HSF5: variants seen among roughly 807,000 people sequenced by gnomAD.
HSF5 encodes the protein heat shock factor protein 5.
HSF5 carries 5 observed loss-of-function variants against 50.8 expected under a neutral mutation model. The ratio of observed to expected loss-of-function variants is 0.10; its 90% CI spans 0.05 to 0.21. The LOEUF (loss-of-function observed/expected upper bound fraction) is 0.21. Among genes scored for constraint, HSF5 ranks in the 10% least tolerant of loss-of-function variants. The pLI is 1.00. For missense variants in HSF5, 564 were observed against 762.6 expected (o/e 0.74, Z 3.07); for synonymous variants, 307 against 307.4 (o/e 1.00, Z 0.02).
At chr17:58,431,187 G>A (rs1001923092) in intron 5 of HSF5, among the ~76,000 whole-genome samples, 20 of 152,148 alleles carry the variant, frequency 1.3e-4, no homozygotes, top group Non-Finnish European at 4.4e-5. Context: ...CCAGACACGT[G>A]GAACTGTAAG....
Position 58,487,882 on chromosome 17 carries a change from G to A in HSF5, c.393C>T (p.Thr131=), listed in dbSNP as rs1433835493. The A allele has an allele frequency of 1.2e-6, 2 of 1,608,040 alleles. No individual in the cohort carries two copies. The highest frequency in any genetic ancestry group is 1.7e-6 in the Non-Finnish European group (2 of 1,178,692). Residue 131 remains threonine (T), a synonymous_variant, in exon 1 of 6, where the codon ACC becomes ACT. Transcript: ENST00000323777. The part of the protein sequence containing the change: ...PQLLVHLKRL[T]SANKAKLAAG... Reference sequence around the variant, plus strand: ...CCGCCAGCTTGGCCTTGTTGGCGCTGGTGAGGCGCTTGAGGTGCACGAGCA... The same window carrying A: ...CCGCCAGCTTGGCCTTGTTGGCGCTAGTGAGGCGCTTGAGGTGCACGAGCA...
intron 4 of HSF5, among the ~76,000 whole-genome samples, chr17:58,459,605 C>T (rs1974762376): frequency 6.6e-6 from 1 of 151,050 alleles, no homozygotes; most frequent in Admixed American, 6.6e-5. Flanking sequence ...CGAGATTGTA[C>T]CACTGCACTC....
chr17:58,469,844 G>A (rs1230096652), intron 2 of HSF5, among the ~76,000 whole-genome samples: 1 of 151,992 alleles, frequency 6.6e-6, no homozygotes, highest in Non-Finnish European at 1.5e-5. Flanking sequence ...TATAAATATA[G>A]GCATTAATGA....
At chr17:58,436,095 T>C (rs1246687147) in intron 5 of HSF5, among the ~76,000 whole-genome samples, 1 of 152,066 alleles carries the variant, frequency 6.6e-6, no homozygotes, top group Non-Finnish European at 1.5e-5. Context: ...GGTCACACAG[T>C]AAAGAGCAGA....
At chr17:58,440,052 A>C (rs1420353535) in intron 5 of HSF5, among the ~76,000 whole-genome samples, 3 of 152,086 alleles carry the variant, frequency 2.0e-5, no homozygotes, top group Non-Finnish European at 4.4e-5. Context: ...TTCCTATTGA[A>C]GACAACTAAA....
chr17:58,477,462 C>CTT (rs34369632), intron 2 of HSF5, among the ~76,000 whole-genome samples: 2 of 119,534 alleles, frequency 1.7e-5, no homozygotes, highest in Non-Finnish European at 3.5e-5. Context: ...CTCCATTCCC[C>CTT]TTTTTTTTTT....
rs1974874582 is a variant in HSF5 at position 58,466,886 on chromosome 17, T to A, written c.1019A>T (p.Gln340Leu). ...ASSYAHCNYF[Q>L]NPSMQSSYPV... ...TGGCCACAGTTGCAAGAATCTTACC[T>A]GGAAGTAGTTGCAGTGTGCATAGGA... The change falls in exon 3 of 6, where the codon CAG (glutamine) becomes CTG (leucine). Residue 340 changes from glutamine to leucine, a missense_variant and splice_region_variant. Coordinates refer to ENST00000323777, the MANE Select transcript of HSF5 (RefSeq NM_001080439.3). 1 of 1,578,484 alleles carries A rather than the reference T, an allele frequency of 6.3e-7. No homozygotes were observed. The highest frequency in any genetic ancestry group is 8.7e-7 in the Non-Finnish European group (1 of 1,147,708).
chr17:58,471,221 AT>A (rs1252473611), intron 2 of HSF5, among the ~76,000 whole-genome samples: 1 of 152,110 alleles, frequency 6.6e-6, no homozygotes, highest in Admixed American at 6.5e-5. Flanking sequence ...TGTTATGCAT[AT>A]TTTTTTCACA....
intron 4 of HSF5, among the ~76,000 whole-genome samples, chr17:58,461,500 A>T (rs1020928509): frequency 1.1e-4 from 16 of 152,298 alleles, no homozygotes; most frequent in Non-Finnish European, 1.9e-4. Context: ...ATGGAAAAAA[A>T]ATATATACAC....
At chr17:58,468,490 T>C (rs1974902105) in intron 2 of HSF5, among the ~76,000 whole-genome samples, 1 of 152,238 alleles carries the variant, frequency 6.6e-6, no homozygotes, top group South Asian at 2.1e-4. Context: ...ACTAGAATTC[T>C]ACTTGCCGAA....
At chr17:58,446,594 T>C (rs1974565549) in intron 5 of HSF5, among the ~76,000 whole-genome samples, 1 of 152,116 alleles carries the variant, frequency 6.6e-6, no homozygotes, top group Non-Finnish European at 1.5e-5. Flanking sequence ...GGGAAGAAAC[T>C]GAGTCTTGGC....
chr17:58,444,963 G>A (rs1413300031), intron 5 of HSF5, among the ~76,000 whole-genome samples: 1 of 151,902 alleles, frequency 6.6e-6, no homozygotes, highest in Non-Finnish European at 1.5e-5. Context: ...TATACAAACA[G>A]CCAATGAGTA....
intron 5 of HSF5, among the ~76,000 whole-genome samples, chr17:58,439,297 CA>C (rs1263830708): frequency 1.7e-4 from 22 of 130,312 alleles, no homozygotes; most frequent in Admixed American, 2.3e-4. Context: ...CAACAACAAC[CA>C]AAAAAAAAAA....
chr17:58,480,760 T>TATCTATCTATCTA (rs1395879021), intron 1 of HSF5, among the ~76,000 whole-genome samples: 1 of 144,994 alleles, frequency 6.9e-6, no homozygotes, highest in Non-Finnish European at 1.5e-5. Context: ...GTAACGCTCT[T>TATCTATCTATCTA]TGCTATCTAT....
At position 58,428,730 on chromosome 17, in the gene HSF5, A is replaced by G. The variant is rs1974328142; in HGVS notation, c.1721-6300T>C. 2.0e-5 allele frequency among the ~76,000 whole-genome samples: 3 copies of G among 152,320 alleles called. No individual in the cohort carries two copies. In the South Asian group the frequency reaches 6.2e-4, roughly 32 times the overall value. ...ATGGCTCTAATAATAATTTTTAAAA[A>G]AGGAAAATACCAAGTGTTAGCGAGG... On this transcript the variant is annotated intron_variant, in intron 5 of 5. Coordinates refer to ENST00000323777, the MANE Select transcript of HSF5 (RefSeq NM_001080439.3).
chr17:58,432,188 T>C (rs1276087270), intron 5 of HSF5, among the ~76,000 whole-genome samples: 1 of 152,162 alleles, frequency 6.6e-6, no homozygotes, highest in Non-Finnish European at 1.5e-5. Flanking sequence ...TTCATTTATT[T>C]ATCCAACAAG....
chr17:58,445,583 G>A (rs1299742743), intron 5 of HSF5, among the ~76,000 whole-genome samples: 3 of 152,140 alleles, frequency 2.0e-5, no homozygotes, highest in African/African-American at 4.8e-5. Context: ...ATCCTGTCAC[G>A]TGCTACAACA....
At chr17:58,458,667 C>T in intron 5 of HSF5, 101 bp downstream of exon 5, 2 of 929,068 alleles carry the variant, frequency 2.2e-6, no homozygotes, top group East Asian at 2.6e-5. Context: ...AGGTCTAATA[C>T]AATTATGAAT....
intron 1 of HSF5, among the ~76,000 whole-genome samples, chr17:58,485,897 T>C (rs1975164813): frequency 6.7e-6 from 1 of 150,364 alleles, no homozygotes; most frequent in Non-Finnish European, 1.5e-5. Flanking sequence ...TGAAACCCCA[T>C]CTCTACTAAC....
Sources: gnomAD v4.1 joint callset for allele counts (sites outside exome capture counted in the v4.1 genomes callset) on GRCh38, gnomAD v4.1.1 for gene constraint, MANE v1.5 for transcripts, NCBI Gene and HGNC (gene_info 2026-07-23, HGNC 2026-07-21) for gene names.